MAP4: variants seen among roughly 807,000 people sequenced by gnomAD.
The protein encoded by MAP4 is microtubule-associated protein 4.
In MAP4, 76 loss-of-function variants were observed where a neutral mutation model predicts 170.2. The observed-to-expected ratio is 0.45, with a 90% CI of 0.37 to 0.54. The LOEUF (loss-of-function observed/expected upper bound fraction) is 0.54. MAP4 is among the 20% of genes least tolerant of loss of function. MAP4 has a pLI of 0.00. For missense variants in MAP4, 2,506 were observed against 2,748.0 expected, an observed-to-expected ratio of 0.91 and a Z score of 1.97; for synonymous variants, 909 against 994.5, an observed-to-expected ratio of 0.91 and a Z score of 1.62.
chr3:47,903,909 T>C (rs1466021410), intron 9 of MAP4, among the ~76,000 whole-genome samples: 1 of 152,240 alleles, frequency 6.6e-6, no homozygotes, highest in Non-Finnish European at 1.5e-5. Context: ...TCAAAAGACC[T>C]AGATTCTAAT....
At chr3:47,990,566 CAGA>C (rs759562025) in intron 2 of MAP4, among the ~76,000 whole-genome samples, 41 of 152,282 alleles carry the variant, frequency 2.7e-4, no homozygotes, top group Middle Eastern at 3.4e-3. Flanking sequence ...TTCTCGACTT[CAGA>C]AGAAGAACTA....
intron 1 of MAP4, among the ~76,000 whole-genome samples, chr3:48,028,608 A>G (rs1003248642): frequency 6.6e-6 from 1 of 151,914 alleles, no homozygotes; most frequent in Non-Finnish European, 1.5e-5. Flanking sequence ...CCCCGTCTCT[A>G]CTAAAAATAC....
chr3:47,959,837 G>A (rs1017677952), intron 3 of MAP4, among the ~76,000 whole-genome samples: 4 of 151,942 alleles, frequency 2.6e-5, no homozygotes, highest in Admixed American at 1.3e-4. Flanking sequence ...TAAGATAAAG[G>A]AAGATGAATA....
At chr3:47,970,148 A>G (rs9811277) in intron 3 of MAP4, among the ~76,000 whole-genome samples, 60,236 of 152,084 alleles carry the variant, frequency 0.4, 13,208 homozygotes, top group African/African-American at 0.6. Flanking sequence ...TTGCCTCAAT[A>G]TGGATTTTCT....
chr3:47,957,319 C>T (rs2100068436), intron 3 of MAP4, among the ~76,000 whole-genome samples: 1 of 152,160 alleles, frequency 6.6e-6, no homozygotes, highest in Non-Finnish European at 1.5e-5. Context: ...AGGCATGTGC[C>T]ACCATGCCCG....
intron 19 of MAP4, among the ~76,000 whole-genome samples, chr3:47,854,313 G>A (rs1214982499): frequency 2.6e-5 from 4 of 152,180 alleles, no homozygotes; most frequent in African/African-American, 7.2e-5. Flanking sequence ...TGGGGGGCAC[G>A]AACTGAGAGC....
At chr3:48,032,330 A>G (rs974516004) in intron 1 of MAP4, among the ~76,000 whole-genome samples, 1 of 152,042 alleles carries the variant, frequency 6.6e-6, no homozygotes, top group Non-Finnish European at 1.5e-5. Context: ...CTGCATTTCT[A>G]CTAAAAAAAA....
At chr3:48,077,768 CT>C (rs2100144697) in intron 1 of MAP4, among the ~76,000 whole-genome samples, 1 of 152,046 alleles carries the variant, frequency 6.6e-6, no homozygotes, top group African/African-American at 2.4e-5. Flanking sequence ...TTCATAATAG[CT>C]AAAAAATGCA....
intron 2 of MAP4, among the ~76,000 whole-genome samples, chr3:47,982,957 G>T (rs1385588482): frequency 1.3e-5 from 2 of 152,186 alleles, no homozygotes; most frequent in Non-Finnish European, 2.9e-5. Context: ...GAGTGCAGTG[G>T]CGCAATCTTG....
chr3:47,902,673 C>CAAAAAAAA (rs3051642), intron 10 of MAP4, among the ~76,000 whole-genome samples: 12 of 25,772 alleles, frequency 4.7e-4, no homozygotes, highest in Non-Finnish European at 7.1e-4. Flanking sequence ...GACTCTGTCT[C>CAAAAAAAA]AAAAAAAAAA....
At chr3:48,071,722 C>G (rs1159994537) in intron 1 of MAP4, among the ~76,000 whole-genome samples, 1 of 151,800 alleles carries the variant, frequency 6.6e-6, no homozygotes, top group Admixed American at 6.6e-5. Flanking sequence ...GTCAGGAGCT[C>G]GAGACTGGCT....
At chr3:48,073,402 G>A (rs1292398334) in intron 1 of MAP4, among the ~76,000 whole-genome samples, 1 of 151,510 alleles carries the variant, frequency 6.6e-6, no homozygotes, top group African/African-American at 2.4e-5. Flanking sequence ...ACCTGAGGTC[G>A]GGAGTATGAG....
At chr3:48,004,421 A>G (rs2100101095) in intron 1 of MAP4, among the ~76,000 whole-genome samples, 1 of 152,228 alleles carries the variant, frequency 6.6e-6, no homozygotes, top group Non-Finnish European at 1.5e-5. Flanking sequence ...AAACCAACGA[A>G]CATAATGAAG....
chr3:48,019,461 T>C (rs1431631962), upstream of MAP4, among the ~76,000 whole-genome samples: 12 of 152,216 alleles, frequency 7.9e-5, no homozygotes, highest in Admixed American at 6.5e-5. Context: ...TATCAGCTCA[T>C]ATATCTGTCA....
At chr3:47,952,239 GC>G (rs2100064727) in intron 3 of MAP4, among the ~76,000 whole-genome samples, 1 of 150,088 alleles carries the variant, frequency 6.7e-6, no homozygotes, top group Non-Finnish European at 1.5e-5. Flanking sequence ...CCCGGCAGCC[GC>G]CCCGTCCGGG....
intron 10 of MAP4, among the ~76,000 whole-genome samples, chr3:47,888,137 C>T (rs550005180): frequency 2.0e-5 from 3 of 152,138 alleles, no homozygotes; most frequent in South Asian, 2.1e-4. Flanking sequence ...GATGGGGACA[C>T]GGAGAACCTT....
intron 3 of MAP4, among the ~76,000 whole-genome samples, chr3:47,966,342 G>A (rs2100075025): frequency 7.0e-6 from 1 of 143,160 alleles, no homozygotes; most frequent in African/African-American, 2.6e-5. Context: ...TGCCTCCTAG[G>A]TTCATGCCAT....
intron 3 of MAP4, among the ~76,000 whole-genome samples, chr3:47,937,806 C>T (rs190437095): frequency 2.3e-3 from 341 of 151,194 alleles, no homozygotes; most frequent in African/African-American, 7.8e-3. Context: ...GGATTACAGG[C>T]GCCTGCCACC....
Position 47,911,247 on chromosome 3 carries a change from A to G in MAP4, c.3174T>C (p.Asp1058=), listed in dbSNP as rs770779386. 6.6e-5 allele frequency: 102 copies of G among 1,535,916 alleles called. No homozygotes were observed. Among genetic ancestry groups the G allele is most frequent in the Non-Finnish European group, 8.5e-5 (97 of 1,146,914 alleles). ...ENEPFKRMAG[D]GKSRKGRGSS... ...TTCCCCTTCCCTTCCTGCTTTTGCC[A>G]TCACCTGCCATTCTCTTAAATGGTT... The change falls in exon 9 of 21, where the codon GAT becomes GAC. Residue 1058 remains aspartate, a synonymous_variant. Coordinates refer to ENST00000683076, the MANE Select transcript of MAP4 (RefSeq NM_001385682.1). The surrounding 1 kb of genome is among the most constrained non-coding windows in gnomAD (Gnocchi z 4.0).
Sources: allele counts gnomAD v4.1 joint callset (sites outside exome capture counted in the v4.1 genomes callset), GRCh38; gene constraint gnomAD v4.1.1; non-coding constraint Gnocchi (gnomAD v3.1); transcripts MANE v1.5; gene names NCBI Gene and HGNC (gene_info 2026-07-23, HGNC 2026-07-21).